The following UNK variants were observed in gnomAD, a reference collection of about 807,000 sequenced individuals.
UNK encodes the protein RING finger protein unkempt homolog.
Under a neutral mutation model 97.6 loss-of-function variants are expected in UNK, and 32 were observed. That is an observed-to-expected ratio of 0.33 (90% confidence interval 0.25 to 0.44). The LOEUF (loss-of-function observed/expected upper bound fraction) is 0.44. UNK is among the 20% of genes least tolerant of loss of function. UNK has a pLI of 1.00. For missense variants in UNK, 771 were observed against 1,098.4 expected (o/e 0.70, Z 4.21); for synonymous variants, 441 against 461.2 (o/e 0.96, Z 0.56).
At chr17:75,809,673 A>G (rs946365621) in intron 1 of UNK, 87 bp from the exon 2 acceptor site, 83 of 1,424,752 alleles carry the variant, frequency 5.8e-5, no homozygotes, top group Non-Finnish European at 7.9e-5. Context: ...CAGGGCCCTC[A>G]GGGGACTTGG....
chr17:75,822,389 GCCAGTCCCTGGAA>G (rs2062076868), intron 13 of UNK, 75 bp from the exon 14 acceptor site: 2 of 1,465,586 alleles, frequency 1.4e-6, no homozygotes, highest in Admixed American at 4.4e-5. Flanking sequence ...CCAGTGGACA[GCCAGTCCCTGGAA>G]CCTCTGAGGC....
chr17:75,812,574 C>G lies in UNK; in HGVS notation c.611C>G (p.Pro204Arg). Reference protein sequence around the residue: ...AMIEKILSEEPRWQETAYVLG... With the variant: ...AMIEKILSEERRWQETAYVLG... ...ATAGAAAAGATCCTCAGCGAGGAGC[C>G]TCGGTGGCAAGGTACAGGCATCCAC... The change falls in exon 4 of 16, where the codon CCT (proline) becomes CGT (arginine). Residue 204 changes from proline to arginine, a missense_variant. By Grantham distance (103) the Pro-to-Arg change is moderately radical (BLOSUM62 -2). Transcript: ENST00000589666. 6.2e-7 allele frequency: 1 copy of G among 1,613,054 alleles called. No individual in the cohort carries two copies. The highest frequency in any genetic ancestry group is 8.5e-7 in the Non-Finnish European group (1 of 1,179,798).
intron 1 of UNK, among the ~76,000 whole-genome samples, chr17:75,791,461 T>G (rs892162184): frequency 2.0e-5 from 3 of 152,264 alleles, no homozygotes; most frequent in Non-Finnish European, 4.4e-5. Flanking sequence ...AGAGTACTAC[T>G]TGTTGCACAA....
chr17:75,793,942 C>A (rs1415949294), intron 1 of UNK: 7 of 985,192 alleles, frequency 7.1e-6, no homozygotes, highest in Admixed American at 6.2e-5. Flanking sequence ...TATATCTAAG[C>A]ATTTATTAAT....
intron 15 of UNK, 76 bp downstream of exon 15, chr17:75,823,598 G>T: frequency 6.9e-7 from 1 of 1,448,180 alleles, no homozygotes; most frequent in African/African-American, 1.4e-5. Flanking sequence ...CCTGGTCCAG[G>T]CTGCTCCAGG....
intron 1 of UNK, among the ~76,000 whole-genome samples, chr17:75,804,573 C>A (rs568756229): frequency 6.6e-6 from 1 of 151,370 alleles, no homozygotes; most frequent in African/African-American, 2.4e-5. Context: ...CATGGTGGCT[C>A]ATGCCTGTAA....
chr17:75,787,819 G>A (rs111852804), intron 1 of UNK, among the ~76,000 whole-genome samples: 29,707 of 148,484 alleles, frequency 0.2, 3,337 homozygotes, highest in African/African-American at 0.3. Context: ...AGTGAGACTC[G>A]GTCCAAAAAA....
At chr17:75,808,520 T>C (rs2061939161) in intron 1 of UNK, among the ~76,000 whole-genome samples, 1 of 152,178 alleles carries the variant, frequency 6.6e-6, no homozygotes, top group Admixed American at 6.5e-5. Context: ...TCTAAGCTCA[T>C]ACTGTTTCTG....
chr17:75,791,091 T>A (rs1010691408), intron 1 of UNK, among the ~76,000 whole-genome samples: 2 of 152,236 alleles, frequency 1.3e-5, no homozygotes, highest in Non-Finnish European at 2.9e-5. Flanking sequence ...GTTCTCAGAC[T>A]TCTTAATTTT....
At position 75,800,694 on chromosome 17, in the gene UNK, G is replaced by T. The variant is rs576886841; in HGVS notation, c.105-9066G>T. 4.0e-5 allele frequency among the ~76,000 whole-genome samples: 6 copies of T among 151,350 alleles called. No individual in the cohort carries two copies. The South Asian group carries it at 1.3e-3, about 32-fold the overall frequency. ...AGAGCTTGCAGTGAGCTGAGATCGC[G>T]CCACTGCACTCCAGCCTGGGTGACA... On this transcript the variant is annotated intron_variant, in intron 1 of 15. Transcript: ENST00000589666.
intron 1 of UNK, among the ~76,000 whole-genome samples, chr17:75,787,294 C>T (rs891538108): frequency 6.6e-6 from 1 of 152,138 alleles, no homozygotes; most frequent in Admixed American, 6.5e-5. Flanking sequence ...TCACTGTAGC[C>T]TCGACCTCCC....
chr17:75,819,079 G>T lies in UNK; in HGVS notation c.1546+263G>T, dbSNP rs879534016. 4.9e-6 allele frequency: 2 copies of T among 408,358 alleles called. No homozygotes were observed. The highest frequency in any genetic ancestry group is 8.7e-6 in the Non-Finnish European group (2 of 231,076). 25.3% of individuals were successfully genotyped at this position (408,358 alleles called of 1,614,324 possible). A position where few individuals can be genotyped will look rare whatever the true frequency, so the allele number is the denominator to read the frequency against. ...GGTGAGTACAGTCTCACCCCAAGAC[G>T]TGTTGTTCAGTCCCCACTCATCTCA... On this transcript the variant is annotated intron_variant, in intron 11 of 15. Coordinates refer to ENST00000589666, the MANE Select transcript of UNK (RefSeq NM_001080419.3). The surrounding 1 kb of genome is among the most constrained non-coding windows in gnomAD (Gnocchi z 5.4).
intron 1 of UNK, among the ~76,000 whole-genome samples, chr17:75,788,082 G>A (rs529123398): frequency 6.6e-6 from 1 of 152,250 alleles, no homozygotes; most frequent in African/African-American, 2.4e-5. Context: ...TGGACATACG[G>A]AGTGGAATAA....
Position 75,812,134 on chromosome 17 carries a change from A to G in UNK, c.337A>G (p.Thr113Ala). ...GDECPFLHRTTGDTERRYHLR... is the reference protein window; with the variant it reads ...GDECPFLHRTAGDTERRYHLR... ...CAGGTGCCCATTCCTGCACAGAACC[A>G]CAGGGGACACTGAGCGCAGGTACCA... Residue 113 changes from threonine (T) to alanine (A), a missense_variant, in exon 3 of 16, where the codon ACA becomes GCA. Transcript: ENST00000589666. 1 of 1,611,382 alleles carries G rather than the reference A, an allele frequency of 6.2e-7. No individual in the cohort carries two copies. The highest frequency in any genetic ancestry group is 8.5e-7 in the Non-Finnish European group (1 of 1,178,240).
In UNK at chr17:75,822,515, G is replaced by A; in HGVS notation, c.1876G>A (p.Ala626Thr). 6.2e-7 allele frequency: 1 copy of A among 1,613,614 alleles called. No individual in the cohort carries two copies. The highest frequency in any genetic ancestry group is 8.5e-7 in the Non-Finnish European group (1 of 1,179,768). The change falls in exon 14 of 16, where the codon GCC becomes ACC. Residue 626 changes from alanine (A) to threonine (T), a missense_variant. Transcript: ENST00000589666. ...GMNSSIWEHFASGSFSPGTSP... is the reference protein window; with the variant it reads ...GMNSSIWEHFTSGSFSPGTSP... ...GAACAGCAGCATCTGGGAGCATTTT[G>A]CCTCTGGAAGCTTCTCCCCGGGCAC...
In UNK at chr17:75,804,183, G is replaced by A. The variant is rs138575304; in HGVS notation, c.105-5577G>A. On this transcript the variant is annotated intron_variant, in intron 1 of 15. Coordinates refer to ENST00000589666, the MANE Select transcript of UNK (RefSeq NM_001080419.3). The stretch of plus-strand genomic sequence containing the variant: ...ATTTGAAATCCACTGGGTGGGCGTG[G>A]TGGCTTATGCCTATAATCCCAGCAC... Among the ~76,000 whole-genome samples, 508 of 152,374 alleles carry A rather than the reference G, an allele frequency of 3.3e-3. 6 individuals carry two copies. Among genetic ancestry groups the A allele is most frequent in the South Asian group, 0.014 (69 of 4,830 alleles).
intron 6 of UNK, 98 bp from the exon 7 acceptor site, chr17:75,815,071 A>C: frequency 2.8e-6 from 3 of 1,078,070 alleles, no homozygotes; most frequent in Non-Finnish European, 4.1e-6. Context: ...ACACAGGGCA[A>C]GAGATGACTA....
chr17:75,821,957 G>A (rs2062073157), intron 13 of UNK: 1 of 338,216 alleles, frequency 3.0e-6, no homozygotes, highest in Admixed American at 4.1e-5. Context: ...ATTTTATCCA[G>A]GGTCCTTGTC....
At chr17:75,814,983 T>G (rs536550817) in intron 6 of UNK, among the ~76,000 whole-genome samples, 186 bp from the exon 7 acceptor site, 95 of 148,910 alleles carry the variant, frequency 6.4e-4, no homozygotes, top group African/African-American at 2.3e-3. Context: ...CAATGGGGAG[T>G]GGTGGTGGGC....
Sources: gnomAD v4.1 joint callset for allele counts (sites outside exome capture counted in the v4.1 genomes callset) on GRCh38, gnomAD v4.1.1 for gene constraint, Gnocchi (gnomAD v3.1) non-coding constraint, MANE v1.5 for transcripts, NCBI Gene and HGNC (gene_info 2026-07-23, HGNC 2026-07-21) for gene names.